The following C2CD3 variants were observed in gnomAD, a reference collection of about 807,000 sequenced individuals.
The protein encoded by C2CD3 is C2 domain-containing protein 3.
C2CD3 carries 148 observed loss-of-function variants against 234.0 expected under a neutral mutation model. That is an observed-to-expected ratio of 0.63 (90% CI 0.55 to 0.72). The LOEUF is 0.72. C2CD3 is among the 30% of genes least tolerant of loss of function. The pLI is 0.00. For synonymous variants in C2CD3, 1,000 were observed against 1,035.4 expected, an observed-to-expected ratio of 0.97 and a Z score of 0.66; for missense variants, 2,577 against 2,811.5, an observed-to-expected ratio of 0.92 and a Z score of 1.89.
At chr11:74,139,533 A>C in intron 4 of C2CD3, 72 bp downstream of exon 4, 1 of 1,102,596 alleles carries the variant, frequency 9.1e-7, no homozygotes, top group South Asian at 1.3e-5. Flanking sequence ...ACTCAACCAT[A>C]AATGAAAGAC....
At chr11:74,122,232 A>G (rs1957241607) in intron 8 of C2CD3, among the ~76,000 whole-genome samples, 1 of 152,146 alleles carries the variant, frequency 6.6e-6, no homozygotes, top group South Asian at 2.1e-4. Context: ...TGCTTCTCAA[A>G]ACACTATCTT....
Position 74,133,544 on chromosome 11 carries a change from T to C in C2CD3, c.969A>G (p.Gln323=), listed in dbSNP as rs962012625. 2 of 1,613,946 alleles carry C rather than the reference T, an allele frequency of 1.2e-6. No individual in the cohort carries two copies. The highest frequency in any genetic ancestry group is 1.3e-5 in the African/African-American group (1 of 74,938). Residue 323 remains glutamine, a synonymous_variant, in exon 6 of 33, where the codon CAA becomes CAG. Transcript: ENST00000334126. ...TKDLLSALLE[Q]GNKLRNAMVI... is the part of the protein sequence containing the mutation. ...CCATGGCATTACGCAGTTTATTGCC[T>C]TGTTCTAACAGAGCTGAAGAGGGTA...
rs764451590 is a variant in C2CD3 at position 74,092,550 on chromosome 11, T to C, written c.3383A>G (p.Lys1128Arg). Residue 1128 changes from lysine to arginine, a missense_variant, in exon 19 of 33, where the codon AAA (lysine) becomes AGA (arginine). Coordinates refer to ENST00000334126, the MANE Select transcript of C2CD3 (RefSeq NM_001286577.2). Reference protein sequence around the residue: ...YPNVRDQKVAKGTLPLSRICA... With the variant: ...YPNVRDQKVARGTLPLSRICA... ...GATCCTTGATAATGGCAAGGTTCCT[T>C]TGGCGACCTTCTGGTCTCTCACATT... The C allele has an allele frequency of 1.2e-6, 2 of 1,613,956 alleles. No individual in the cohort carries two copies. The highest frequency in any genetic ancestry group is 1.7e-6 in the Non-Finnish European group (2 of 1,179,906).
rs112210178 is a variant in C2CD3 at position 74,100,976 on chromosome 11, C to T, written c.2581-300G>A. ...TATGTCAAACATGGTGCCTGCCAAA[C>T]TCGTCCAACCCTTTCTAAGGCAAAG... On this transcript the variant is annotated intron_variant, in intron 14 of 32. Transcript: ENST00000334126. Among the ~76,000 whole-genome samples, 315 of 152,310 alleles carry T rather than the reference C, an allele frequency of 2.1e-3. 4 individuals are homozygous for T. The highest frequency in any genetic ancestry group is 7.0e-3 in the African/African-American group (292 of 41,562).
At chr11:74,067,227 T>A (rs115183251) in intron 24 of C2CD3, among the ~76,000 whole-genome samples, 250 of 152,034 alleles carry the variant, frequency 1.6e-3, no homozygotes, top group African/African-American at 5.3e-3. Flanking sequence ...GGAGATTTTG[T>A]GAGGAAGCTT....
chr11:74,103,555 T>A lies in C2CD3; in HGVS notation c.2156A>T (p.His719Leu). 1 of 1,613,784 alleles carries A rather than the reference T, an allele frequency of 6.2e-7. No individual in the cohort carries two copies. The highest frequency in any genetic ancestry group is 8.5e-7 in the Non-Finnish European group (1 of 1,179,796). ...GINTKLSGNT[H>L]YTPLCAPTSP... ...TGTAGGAGCACAAAGTGGGGTATAATGGGTGTTGCCACTTAACTTAGTATT... is the reference window on the plus strand; with the variant it reads ...TGTAGGAGCACAAAGTGGGGTATAAAGGGTGTTGCCACTTAACTTAGTATT... The change falls in exon 14 of 33, where the codon CAT (histidine) becomes CTT (leucine). Residue 719 changes from histidine to leucine, a missense_variant. Transcript: ENST00000334126.
intron 2 of C2CD3, among the ~76,000 whole-genome samples, chr11:74,163,149 A>G (rs191261054): frequency 6.6e-6 from 1 of 152,302 alleles, no homozygotes; most frequent in Non-Finnish European, 1.5e-5. Flanking sequence ...TGTAGTGAAA[A>G]GCATGTAGGA....
At chr11:74,153,250 C>T (rs894940228) in intron 3 of C2CD3, among the ~76,000 whole-genome samples, 109 of 144,166 alleles carry the variant, frequency 7.6e-4, no homozygotes, top group African/African-American at 2.7e-3. Context: ...CAAAACAAAA[C>T]AAACAAAAGC....
At chr11:74,157,854 C>T (rs1355998576) in intron 3 of C2CD3, among the ~76,000 whole-genome samples, 1 of 152,102 alleles carries the variant, frequency 6.6e-6, no homozygotes, top group East Asian at 1.9e-4. Flanking sequence ...ATGTATTACA[C>T]AGGGTTCTGG....
chr11:74,029,548 C>G (rs1952437752), intron 31 of C2CD3, among the ~76,000 whole-genome samples: 1 of 152,258 alleles, frequency 6.6e-6, no homozygotes, highest in African/African-American at 2.4e-5. Context: ...TCCAGGCCTT[C>G]TGCAGAGGCC....
intron 26 of C2CD3, among the ~76,000 whole-genome samples, chr11:74,050,858 T>C (rs539676973): frequency 6.6e-6 from 1 of 151,686 alleles, no homozygotes; most frequent in Non-Finnish European, 1.5e-5. Context: ...ACAAGTAAAC[T>C]GGCCAACCTA....
chr11:74,154,727 C>T (rs535982997), intron 3 of C2CD3, among the ~76,000 whole-genome samples: 2 of 152,074 alleles, frequency 1.3e-5, no homozygotes, highest in South Asian at 2.1e-4. Flanking sequence ...GGTGTGGCTG[C>T]GTCCTAATAC....
intron 24 of C2CD3, among the ~76,000 whole-genome samples, chr11:74,057,760 C>G (rs77245487): frequency 1.3e-5 from 2 of 151,922 alleles, no homozygotes; most frequent in African/African-American, 4.8e-5. Context: ...AACTTGAGCG[C>G]AGAAATTCAA....
intron 22 of C2CD3, among the ~76,000 whole-genome samples, chr11:74,079,764 C>T (rs557577503): frequency 6.6e-6 from 1 of 152,120 alleles, no homozygotes; most frequent in East Asian, 1.9e-4. Context: ...AGTCTACATT[C>T]CACCTAGTAT....
intron 7 of C2CD3, among the ~76,000 whole-genome samples, chr11:74,127,885 C>G (rs977412165): frequency 6.7e-6 from 1 of 149,772 alleles, no homozygotes; most frequent in South Asian, 2.1e-4. Context: ...TTTTTTGAGA[C>G]GGAGTCTCAC....
chr11:74,016,041 C>T (rs1456970391), intron 32 of C2CD3, among the ~76,000 whole-genome samples: 1 of 152,154 alleles, frequency 6.6e-6, no homozygotes, highest in Non-Finnish European at 1.5e-5. Context: ...CATGCTACTG[C>T]ACTCCAACCT....
In C2CD3 at chr11:74,168,613, C is replaced by A; in HGVS notation, c.56G>T (p.Gly19Val). The change falls in exon 2 of 33, where the codon GGT (glycine) becomes GTT (valine). Residue 19 changes from glycine (G) to valine (V), a missense_variant and splice_region_variant. By Grantham distance (109) the Gly-to-Val change is moderately radical (BLOSUM62 -3). Coordinates refer to ENST00000334126, the MANE Select transcript of C2CD3 (RefSeq NM_001286577.2). ...SGGSRGRKKR[G>V]LSDISPSTSL... ...TGTAGATGGAGAAATGTCACTTAAA[C>A]CTGTAGAGGAATCCAAGAAAACTGA... 1 of 1,609,088 alleles carries A rather than the reference C, an allele frequency of 6.2e-7. No individual in the cohort carries two copies. Among genetic ancestry groups the A allele is most frequent in the East Asian group, 2.2e-5 (1 of 44,826 alleles).
intron 13 of C2CD3, among the ~76,000 whole-genome samples, chr11:74,104,165 T>C (rs558756944): frequency 6.6e-6 from 1 of 152,300 alleles, no homozygotes; most frequent in East Asian, 1.9e-4. Flanking sequence ...GGAACATTCT[T>C]TAAAATAACT....
chr11:74,019,462 TG>T (rs1952000894), intron 32 of C2CD3, among the ~76,000 whole-genome samples: 1 of 152,166 alleles, frequency 6.6e-6, no homozygotes, highest in Non-Finnish European at 1.5e-5. Context: ...AGGGACTTGG[TG>T]GTTTAATGAA....
Sources: allele counts gnomAD v4.1 joint callset (sites outside exome capture counted in the v4.1 genomes callset), GRCh38; gene constraint gnomAD v4.1.1; transcripts MANE v1.5; gene names NCBI Gene and HGNC (gene_info 2026-07-23, HGNC 2026-07-21).